The following KCTD16 variants were observed in gnomAD, a reference collection of about 807,000 sequenced individuals.
KCTD16 encodes BTB/POZ domain-containing protein KCTD16.
A neutral mutation model predicts 33.2 loss-of-function variants in KCTD16; 13 were observed. The ratio of observed to expected loss-of-function variants is 0.39; its 90% CI spans 0.25 to 0.62. The LOEUF (loss-of-function observed/expected upper bound fraction) is 0.62. Ranked by LOEUF, KCTD16 falls within the 20% of genes least tolerant of loss-of-function variation. KCTD16 has a pLI of 0.50. For missense variants in KCTD16, 441 were observed against 525.1 expected (o/e 0.84, Z 1.57); for synonymous variants, 197 against 195.3 (o/e 1.01, Z -0.07).
At chr5:144,345,105 A>G (rs1395860423) in intron 3 of KCTD16, among the ~76,000 whole-genome samples, 1 of 151,634 alleles carries the variant, frequency 6.6e-6, no homozygotes, top group African/African-American at 2.4e-5. Context: ...TATTGCAAGG[A>G]CAAAAAACCA....
intron 3 of KCTD16, among the ~76,000 whole-genome samples, chr5:144,469,067 GAT>G (rs1366880125): frequency 6.6e-6 from 1 of 152,144 alleles, no homozygotes; most frequent in Non-Finnish European, 1.5e-5. Context: ...AATGCTTGAA[GAT>G]TTAGGGCTTT....
chr5:144,454,903 A>G (rs1300771910), intron 3 of KCTD16, among the ~76,000 whole-genome samples: 1 of 152,202 alleles, frequency 6.6e-6, no homozygotes, highest in African/African-American at 2.4e-5. Flanking sequence ...TACTCAAAAT[A>G]TATTTTGAGG....
rs372385929 is a variant in KCTD16 at position 144,182,670 on chromosome 5, G to A, written c.-327+8198G>A. On this transcript the variant is annotated intron_variant, in intron 2 of 3. Coordinates refer to ENST00000512467, the MANE Select transcript of KCTD16 (RefSeq NM_020768.4). Reference sequence around the variant, plus strand: ...CACACACCAGCGATTGCTTGAGCCCGGGAGATTGAGGCTGCAGTGAGCCAT... The same window carrying A: ...CACACACCAGCGATTGCTTGAGCCCAGGAGATTGAGGCTGCAGTGAGCCAT... Among the ~76,000 whole-genome samples, 7 of 152,154 alleles carry A rather than the reference G, an allele frequency of 4.6e-5. No homozygotes were observed. The South Asian group carries it at 1.2e-3, about 27-fold the overall frequency.
At chr5:144,181,001 C>T (rs1752612092) in intron 2 of KCTD16, among the ~76,000 whole-genome samples, 1 of 151,436 alleles carries the variant, frequency 6.6e-6, no homozygotes, top group Non-Finnish European at 1.5e-5. Flanking sequence ...GGCGCGATCT[C>T]GGCTCACTGC....
At chr5:144,173,755 A>G (rs1357828985) in intron 1 of KCTD16, among the ~76,000 whole-genome samples, 1 of 152,204 alleles carries the variant, frequency 6.6e-6, no homozygotes, top group African/African-American at 2.4e-5. Context: ...TGAGAAGCCA[A>G]GCAAGAACAT....
chr5:144,371,863 A>G (rs940737119), intron 3 of KCTD16, among the ~76,000 whole-genome samples: 5 of 152,096 alleles, frequency 3.3e-5, no homozygotes. Flanking sequence ...AATAATTAAC[A>G]TTCTACTTAA....
chr5:144,354,436 C>G (rs915609502), intron 3 of KCTD16, among the ~76,000 whole-genome samples: 8 of 152,172 alleles, frequency 5.3e-5, no homozygotes, highest in African/African-American at 1.9e-4. Context: ...CTTCGTATTA[C>G]CCCTGGGGTT....
intron 3 of KCTD16, among the ~76,000 whole-genome samples, chr5:144,211,261 A>C (rs1452225214): frequency 6.6e-6 from 1 of 152,176 alleles, no homozygotes; most frequent in Non-Finnish European, 1.5e-5. Context: ...TGACTTTAAC[A>C]AGCTTCAATA....
At chr5:144,219,363 G>A (rs1268764476) in intron 3 of KCTD16, among the ~76,000 whole-genome samples, 5 of 151,450 alleles carry the variant, frequency 3.3e-5, no homozygotes, top group South Asian at 4.2e-4. Context: ...ACAGGCCCCC[G>A]CCACTGCGTC....
At chr5:144,390,154 G>C (rs1484798696) in intron 3 of KCTD16, among the ~76,000 whole-genome samples, 2 of 152,190 alleles carry the variant, frequency 1.3e-5, no homozygotes, top group African/African-American at 4.8e-5. Flanking sequence ...AACAGAATTA[G>C]AGCCAATATA....
intron 3 of KCTD16, among the ~76,000 whole-genome samples, chr5:144,254,169 G>A (rs901046955): frequency 2.0e-5 from 3 of 151,126 alleles, no homozygotes; most frequent in East Asian, 1.9e-4. Context: ...ACGGAGTCTC[G>A]CTCTGTCGCC....
rs989861764 is a variant in KCTD16, at chr5:144,477,747, C to G, written c.*3633C>G. 1 of 151,960 alleles carries G rather than the reference C, an allele frequency of 6.6e-6. No individual in the cohort carries two copies. Among genetic ancestry groups the G allele is most frequent in the Non-Finnish European group, 1.5e-5 (1 of 67,944 alleles). 9.4% of individuals were successfully genotyped at this position (151,960 alleles called of 1,614,324 possible). On this transcript the variant is annotated 3_prime_UTR_variant, in exon 4 of 4. Transcript: ENST00000512467. ...CAAATTTTGATTCTTATACATTTTC[C>G]TTTGCTACAATTCCAACCTTCAACT... is the stretch of plus-strand genomic sequence containing the variant.
rs183435385 is a variant in KCTD16, at chr5:144,273,960, C to T, written c.832+66414C>T. On this transcript the variant is annotated intron_variant, in intron 3 of 3. Coordinates refer to ENST00000512467, the MANE Select transcript of KCTD16 (RefSeq NM_020768.4). ...TTTATGTTATGTGTATTAAAATATACGTAACATATTATATTAAAATATAAT... is the reference window on the plus strand; with the variant it reads ...TTTATGTTATGTGTATTAAAATATATGTAACATATTATATTAAAATATAAT... Among the ~76,000 whole-genome samples the T allele has an allele frequency of 3.9e-3, 588 of 149,426 alleles. 8 individuals carry two copies. Among genetic ancestry groups the T allele is most frequent in the African/African-American group, 0.013 (542 of 40,822 alleles).
At chr5:144,218,878 A>G (rs1753645604) in intron 3 of KCTD16, among the ~76,000 whole-genome samples, 1 of 152,244 alleles carries the variant, frequency 6.6e-6, no homozygotes, top group Admixed American at 6.5e-5. Context: ...GCAAGGAAAC[A>G]TGAAGTGTAA....
chr5:144,378,823 C>A (rs1752149441), intron 3 of KCTD16, among the ~76,000 whole-genome samples: 1 of 152,168 alleles, frequency 6.6e-6, no homozygotes, highest in African/African-American at 2.4e-5. Flanking sequence ...TGTTATTTGG[C>A]CTCTTCTCTC....
intron 3 of KCTD16, among the ~76,000 whole-genome samples, chr5:144,393,765 G>A (rs1185399286): frequency 6.6e-6 from 1 of 152,086 alleles, no homozygotes; most frequent in Non-Finnish European, 1.5e-5. Flanking sequence ...CAGGAAGAAT[G>A]GGAAGAGTTA....
At chr5:144,472,451 TA>T (rs1754498992) in intron 3 of KCTD16, among the ~76,000 whole-genome samples, 1 of 152,202 alleles carries the variant, frequency 6.6e-6, no homozygotes, top group East Asian at 1.9e-4. Context: ...TTCAAATTGC[TA>T]AATGCAGCAT....
intron 3 of KCTD16, among the ~76,000 whole-genome samples, chr5:144,416,044 C>T (rs1035129936): frequency 6.6e-6 from 1 of 152,166 alleles, no homozygotes; most frequent in African/African-American, 2.4e-5. Flanking sequence ...GCTCATCATT[C>T]ATTGACCATA....
At chr5:144,312,617 G>T (rs544747418) in intron 3 of KCTD16, among the ~76,000 whole-genome samples, 3 of 152,284 alleles carry the variant, frequency 2.0e-5, no homozygotes, top group East Asian at 3.9e-4. Flanking sequence ...TAATTTTTTA[G>T]AATGAGCACA....
Sources: gnomAD v4.1 joint callset for allele counts (sites outside exome capture counted in the v4.1 genomes callset) on GRCh38, gnomAD v4.1.1 for gene constraint, MANE v1.5 for transcripts, NCBI Gene and HGNC (gene_info 2026-07-23, HGNC 2026-07-21) for gene names.